ERBB4: variants seen among roughly 807,000 people sequenced by gnomAD.
The protein encoded by ERBB4 is receptor tyrosine-protein kinase erbB-4.
Under a neutral mutation model 158.0 loss-of-function variants are expected in ERBB4, and 42 were observed. That is an observed-to-expected ratio of 0.27 (90% CI 0.21 to 0.34). ERBB4 has a LOEUF of 0.34. Among genes scored for constraint, ERBB4 ranks in the 10% least tolerant of loss-of-function variants. The probability of loss-of-function intolerance (pLI) is 1.00; values close to 1 mark genes in which losing one functional copy is unlikely to be tolerated. For synonymous variants in ERBB4, 583 were observed against 558.7 expected (o/e 1.04, Z -0.61); for missense variants, 1,333 against 1,624.1 (o/e 0.82, Z 3.08).
intron 19 of ERBB4, among the ~76,000 whole-genome samples, chr2:211,580,866 CATATATATATATAT>C (rs56892079): frequency 3.1e-4 from 20 of 64,156 alleles, no homozygotes; most frequent in African/African-American, 1.3e-3. Context: ...TATGCATATA[CATATATATATATAT>C]ATATATATAT....
At chr2:212,382,638 A>G (rs1207827529) in intron 1 of ERBB4, among the ~76,000 whole-genome samples, 1 of 151,128 alleles carries the variant, frequency 6.6e-6, no homozygotes, top group Non-Finnish European at 1.5e-5. Flanking sequence ...AGAACTCTAC[A>G]TTGTAACAGT....
At chr2:211,700,177 T>C (rs571576435) in intron 12 of ERBB4, among the ~76,000 whole-genome samples, 2 of 152,268 alleles carry the variant, frequency 1.3e-5, no homozygotes, top group South Asian at 2.1e-4. Context: ...CAATTGGTAT[T>C]GAAGAAGATT....
chr2:211,431,422 T>C (rs891849407), intron 20 of ERBB4, among the ~76,000 whole-genome samples: 2 of 152,206 alleles, frequency 1.3e-5, no homozygotes, highest in African/African-American at 4.8e-5. Flanking sequence ...TTGTAGTAAA[T>C]AAGCTAACAT....
At chr2:211,796,858 G>A (rs1163883547) in intron 3 of ERBB4, among the ~76,000 whole-genome samples, 1 of 151,882 alleles carries the variant, frequency 6.6e-6, no homozygotes, top group African/African-American at 2.4e-5. Context: ...TTTATCAGGT[G>A]TAACCCTCAT....
At chr2:212,070,494 T>C (rs973484783) in intron 2 of ERBB4, among the ~76,000 whole-genome samples, 1 of 152,090 alleles carries the variant, frequency 6.6e-6, no homozygotes, top group Non-Finnish European at 1.5e-5. Flanking sequence ...AATACACATA[T>C]AAATCAATTG....
At chr2:212,513,453 A>AACAG (rs1475600845) in intron 1 of ERBB4, among the ~76,000 whole-genome samples, 2 of 152,216 alleles carry the variant, frequency 1.3e-5, no homozygotes, top group Non-Finnish European at 2.9e-5. Flanking sequence ...TAGCCATCAG[A>AACAG]ACAGCCCTGA....
rs977134582 is a variant in ERBB4 at position 211,657,802 on chromosome 2, C to T, written c.1898G>A (p.Cys633Tyr). 1.9e-6 allele frequency: 3 copies of T among 1,613,916 alleles called. No homozygotes were observed. Among genetic ancestry groups the T allele is most frequent in the Non-Finnish European group, 2.5e-6 (3 of 1,179,842 alleles). ...QGCNGPTSHD[C>Y]IYYPWTGHST... Reference sequence around the variant, plus strand: ...ATGGCCCGTCCATGGGTAGTAAATGCAGTCATGACTAGTGGGACCGTTACA... The same window carrying T: ...ATGGCCCGTCCATGGGTAGTAAATGTAGTCATGACTAGTGGGACCGTTACA... Residue 633 changes from cysteine to tyrosine, a missense_variant, in exon 16 of 28, where the codon TGC (cysteine) becomes TAC (tyrosine). This residue lies in a region of ERBB4 where 245 missense variants were observed against 247.5 expected (regional missense o/e 0.99). Coordinates refer to ENST00000342788, the MANE Select transcript of ERBB4 (RefSeq NM_005235.3).
chr2:212,208,503 T>C (rs149596240), intron 1 of ERBB4, among the ~76,000 whole-genome samples: 240 of 152,230 alleles, frequency 1.6e-3, no homozygotes, highest in African/African-American at 5.5e-3. Flanking sequence ...AGAGATTATA[T>C]TGGAATAGGA....
At chr2:212,526,831 T>A (rs535483702) in intron 1 of ERBB4, among the ~76,000 whole-genome samples, 1 of 152,172 alleles carries the variant, frequency 6.6e-6, no homozygotes, top group Non-Finnish European at 1.5e-5. Context: ...CCACCTATAT[T>A]TATGGGTGTT....
chr2:212,043,651 C>G (rs1288679583), intron 2 of ERBB4, among the ~76,000 whole-genome samples: 1 of 152,016 alleles, frequency 6.6e-6, no homozygotes, highest in East Asian at 1.9e-4. Context: ...ATTTTCAGCT[C>G]TCATAAATAG....
chr2:211,532,011 A>C (rs2066513145), intron 20 of ERBB4, among the ~76,000 whole-genome samples: 1 of 152,116 alleles, frequency 6.6e-6, no homozygotes, highest in Non-Finnish European at 1.5e-5. Context: ...ACTGGAGGTC[A>C]TTATGTTAAG....
At chr2:211,490,712 T>TA (rs2125569693) in intron 20 of ERBB4, among the ~76,000 whole-genome samples, 1 of 152,116 alleles carries the variant, frequency 6.6e-6, no homozygotes, top group East Asian at 1.9e-4. Context: ...TAAAAGGAGT[T>TA]ACGAAAGTGT....
intron 14 of ERBB4, among the ~76,000 whole-genome samples, chr2:211,671,333 A>C (rs2071830407): frequency 6.6e-6 from 1 of 152,176 alleles, no homozygotes; most frequent in African/African-American, 2.4e-5. Context: ...AGCCTGGCAC[A>C]AACTAGGTAC....
intron 1 of ERBB4, among the ~76,000 whole-genome samples, chr2:212,512,184 T>C (rs1374489041): frequency 5.9e-5 from 9 of 152,154 alleles, no homozygotes; most frequent in African/African-American, 1.4e-4. Context: ...GAAGTAATCA[T>C]TGAAATACCC....
chr2:211,743,637 AAT>A (rs1411960753), intron 5 of ERBB4, among the ~76,000 whole-genome samples: 1 of 152,200 alleles, frequency 6.6e-6, no homozygotes. Flanking sequence ...AGTTCTTATG[AAT>A]AGAGAGAGTT....
intron 1 of ERBB4, among the ~76,000 whole-genome samples, chr2:212,221,214 C>A (rs1386243645): frequency 6.6e-6 from 1 of 151,484 alleles, no homozygotes; most frequent in Non-Finnish European, 1.5e-5. Flanking sequence ...ATCTGTAATG[C>A]AATTTAGATG....
intron 1 of ERBB4, among the ~76,000 whole-genome samples, chr2:212,160,693 C>A (rs1391772755): frequency 6.6e-6 from 1 of 151,962 alleles, no homozygotes; most frequent in African/African-American, 2.4e-5. Flanking sequence ...TAGGTCTTAG[C>A]GCTTTTCTTT....
chr2:211,464,554 G>C (rs910668820), intron 20 of ERBB4, among the ~76,000 whole-genome samples: 2 of 152,004 alleles, frequency 1.3e-5, no homozygotes, highest in African/African-American at 4.8e-5. Flanking sequence ...TTATTATCTT[G>C]TGTGGTCGTG....
chr2:211,567,728 C>T (rs779873675), intron 19 of ERBB4, among the ~76,000 whole-genome samples: 5 of 150,510 alleles, frequency 3.3e-5, no homozygotes, highest in Admixed American at 6.6e-5. Context: ...AGAGTATTTG[C>T]GTAATAGTTC....
Sources: allele counts gnomAD v4.1 joint callset (sites outside exome capture counted in the v4.1 genomes callset), GRCh38; gene constraint gnomAD v4.1.1; regional missense constraint gnomAD v4.1.1; transcripts MANE v1.5; gene names NCBI Gene and HGNC (gene_info 2026-07-23, HGNC 2026-07-21).